Variants in TFDP2 observed in about 807,000 individuals in gnomAD.
TFDP2 encodes transcription factor Dp-2, also known as transcription factor Dp-2 (E2F dimerization partner 2).
Under a neutral mutation model 59.3 loss-of-function variants are expected in TFDP2, and 17 were observed. That is an observed-to-expected ratio of 0.29 (90% confidence interval 0.20 to 0.43). TFDP2 has a LOEUF of 0.43. TFDP2 is among the 20% of genes least tolerant of loss of function. The probability of loss-of-function intolerance (pLI) is 1.00; values close to 1 mark genes in which losing one functional copy is unlikely to be tolerated. For missense variants in TFDP2, 391 were observed against 528.8 expected (o/e 0.74, Z 2.56); for synonymous variants, 180 against 194.7 (o/e 0.92, Z 0.63).
chr3:141,963,091 A>C (rs1285137658), intron 10 of TFDP2, among the ~76,000 whole-genome samples: 2 of 152,150 alleles, frequency 1.3e-5, no homozygotes, highest in Non-Finnish European at 2.9e-5. Flanking sequence ...GGGGAGCCAT[A>C]AGCGGTACAT....
intron 6 of TFDP2, among the ~76,000 whole-genome samples, chr3:141,990,935 G>A (rs1942697217): frequency 2.0e-5 from 3 of 152,232 alleles, no homozygotes; most frequent in Middle Eastern, 3.4e-3. Context: ...GCACACGCCT[G>A]TAATCCCAGC....
intron 6 of TFDP2, among the ~76,000 whole-genome samples, chr3:141,990,475 T>TA (rs1229463152): frequency 6.6e-6 from 1 of 152,014 alleles, no homozygotes; most frequent in Non-Finnish European, 1.5e-5. Context: ...AGTTTCACCA[T>TA]AAAAAACCTC....
At chr3:142,118,900 C>T (rs543393987) in intron 1 of TFDP2, among the ~76,000 whole-genome samples, 35 of 152,284 alleles carry the variant, frequency 2.3e-4, no homozygotes, top group African/African-American at 8.2e-4. Flanking sequence ...GTGGCTCACG[C>T]CTGTAATCCC....
intron 3 of TFDP2, among the ~76,000 whole-genome samples, chr3:142,085,341 A>G (rs2060777268): frequency 1.4e-5 from 2 of 146,084 alleles, no homozygotes; most frequent in Non-Finnish European, 2.9e-5. Context: ...CATTTGATAA[A>G]GTATGACTAT....
intron 3 of TFDP2, chr3:142,043,967 T>C (rs1947175469): frequency 1.4e-6 from 1 of 739,912 alleles, no homozygotes; most frequent in Admixed American, 1.8e-5. Flanking sequence ...CGCTTACCTA[T>C]GCCACTGTGC....
rs528324350 is a variant in TFDP2, at chr3:141,968,444, CAT to C, written c.732+1627_732+1628del. Among the ~76,000 whole-genome samples the C allele has an allele frequency of 2.1e-3, 219 of 106,504 alleles. 17 individuals carry two copies. The highest frequency in any genetic ancestry group is 8.0e-3 in the African/African-American group (201 of 25,082). 69.9% of individuals were successfully genotyped at this position (106,504 alleles called of 152,430 possible). ...ATATCTCATATATAGATATATATAA[CAT>C]ATATATCTCATATATAGATATATAT... On this transcript the variant is annotated intron_variant, in intron 9 of 12. Coordinates refer to ENST00000489671, the MANE Select transcript of TFDP2 (RefSeq NM_001178139.2).
intron 1 of TFDP2, among the ~76,000 whole-genome samples, chr3:142,128,667 A>C (rs1218400196): frequency 6.6e-6 from 1 of 152,136 alleles, no homozygotes. Flanking sequence ...GAAAGAAAGA[A>C]AAAAGAGAAG....
chr3:142,034,356 C>T (rs1193931139), intron 3 of TFDP2, among the ~76,000 whole-genome samples: 2 of 152,060 alleles, frequency 1.3e-5, no homozygotes, highest in Non-Finnish European at 2.9e-5. Context: ...ACCTCGGCCT[C>T]CCAAAGTGCT....
intron 3 of TFDP2, among the ~76,000 whole-genome samples, chr3:142,050,802 C>T (rs1289247895): frequency 6.6e-6 from 1 of 152,112 alleles, no homozygotes; most frequent in East Asian, 1.9e-4. Flanking sequence ...GAGCTGAAAT[C>T]ACTCCACTGC....
intron 10 of TFDP2, among the ~76,000 whole-genome samples, chr3:141,962,144 A>G (rs891605213): frequency 1.3e-5 from 2 of 151,936 alleles, no homozygotes; most frequent in Non-Finnish European, 2.9e-5. Context: ...GGGTTTCACC[A>G]TGTTGGTCAG....
At chr3:142,069,945 G>C (rs577833351) in intron 3 of TFDP2, among the ~76,000 whole-genome samples, 2 of 150,742 alleles carry the variant, frequency 1.3e-5, no homozygotes, top group African/African-American at 4.9e-5. Flanking sequence ...TTGCTCTGTT[G>C]CCCAGGCTGC....
chr3:142,002,318 T>G (rs1172383778), intron 4 of TFDP2, among the ~76,000 whole-genome samples: 4 of 48,446 alleles, frequency 8.3e-5, no homozygotes, highest in South Asian at 5.3e-4. Flanking sequence ...ATTTTTAGTG[T>G]TTTTTTTTTT....
intron 3 of TFDP2, among the ~76,000 whole-genome samples, chr3:142,043,022 G>C (rs546405619): frequency 1.3e-5 from 2 of 151,244 alleles, no homozygotes; most frequent in South Asian, 4.2e-4. Context: ...GATTACAGGC[G>C]TGAGCCACCG....
At chr3:141,995,637 C>G (rs550003169) in intron 4 of TFDP2, among the ~76,000 whole-genome samples, 2 of 152,178 alleles carry the variant, frequency 1.3e-5, no homozygotes, top group South Asian at 2.1e-4. Flanking sequence ...GTAAACCCAG[C>G]ATTTGGGAGG....
rs202089263 is a variant in TFDP2, at chr3:141,979,117, AC to A, written c.357-436del. On this transcript the variant is annotated intron_variant, in intron 6 of 12. Transcript: ENST00000489671. ...TTTCAGTCAATGATGGGCCGCATAT[AC>A]AACAGTAGTCCAATAAGATTACAAT... Among the ~76,000 whole-genome samples, 1,266 of 152,348 alleles carry A rather than the reference AC, an allele frequency of 8.3e-3. 20 individuals carry two copies. Among genetic ancestry groups the A allele is most frequent in the African/African-American group, 0.028 (1,183 of 41,590 alleles).
At chr3:142,131,610 A>G (rs916511577) in intron 1 of TFDP2, among the ~76,000 whole-genome samples, 1 of 150,482 alleles carries the variant, frequency 6.6e-6, no homozygotes, top group African/African-American at 2.5e-5. Context: ...AAAAATTAAT[A>G]AACACTTGGA....
intron 3 of TFDP2, chr3:142,043,910 G>A: frequency 3.3e-6 from 3 of 901,756 alleles, no homozygotes; most frequent in South Asian, 2.6e-5. Flanking sequence ...AGCCGGCGCA[G>A]AATCCACATG....
intron 3 of TFDP2, among the ~76,000 whole-genome samples, chr3:142,018,880 T>C (rs1028890901): frequency 1.3e-5 from 2 of 151,276 alleles, no homozygotes; most frequent in Admixed American, 6.6e-5. Context: ...TTAAAAGTTA[T>C]GTAAATGTTC....
intron 6 of TFDP2, among the ~76,000 whole-genome samples, chr3:141,987,591 T>TGTGTGTGTGTGTATGC (rs1421283879): frequency 6.7e-6 from 1 of 149,642 alleles, no homozygotes; most frequent in Non-Finnish European, 1.5e-5. Context: ...CGTGTGTGTG[T>TGTGTGTGTGTGTATGC]GTGTGTGTGT....
Sources: gnomAD v4.1 joint callset for allele counts (sites outside exome capture counted in the v4.1 genomes callset) on GRCh38, gnomAD v4.1.1 for gene constraint, MANE v1.5 for transcripts, NCBI Gene and HGNC (gene_info 2026-07-23, HGNC 2026-07-21) for gene names.